Variants in ARFGEF3 observed in about 807,000 individuals in gnomAD.
ARFGEF3 encodes the protein ARFGEF family member 3.
A neutral mutation model predicts 221.7 loss-of-function variants in ARFGEF3; 96 were observed. That is an observed-to-expected ratio of 0.43 (90% CI 0.37 to 0.51). The LOEUF is 0.51. Among genes scored for constraint, ARFGEF3 ranks in the 20% least tolerant of loss-of-function variants. The pLI, the probability that ARFGEF3 is intolerant of heterozygous loss-of-function variation, is 0.00. For synonymous variants in ARFGEF3, 1,145 were observed against 1,126.8 expected, an observed-to-expected ratio of 1.02 and a Z score of -0.32; for missense variants, 2,410 against 2,789.9, an observed-to-expected ratio of 0.86 and a Z score of 3.07.
At chr6:138,168,422 G>A (rs558736260) in intron 1 of ARFGEF3, among the ~76,000 whole-genome samples, 1 of 152,214 alleles carries the variant, frequency 6.6e-6, no homozygotes, top group Admixed American at 6.5e-5. Flanking sequence ...CGACGGGAGA[G>A]AAGTAGGAAG....
intron 22 of ARFGEF3, among the ~76,000 whole-genome samples, chr6:138,304,371 T>C (rs1779682212): frequency 1.3e-5 from 2 of 152,282 alleles, no homozygotes; most frequent in South Asian, 4.2e-4. Flanking sequence ...TGACTACAAA[T>C]GGGTACTGCG....
rs1230471297 is a variant in ARFGEF3, at chr6:138,341,969, A to G, written c.*5483A>G. 6.6e-6 allele frequency: 1 copy of G among 152,158 alleles called. No homozygotes were observed. Among genetic ancestry groups the G allele is most frequent in the Non-Finnish European group, 1.5e-5 (1 of 68,038 alleles). The allele number at this position is 152,158 out of a possible 1,614,324, so 9.4% of individuals were successfully genotyped here. A position where few individuals can be genotyped will look rare whatever the true frequency, so the allele number is the denominator to read the frequency against. On this transcript the variant is annotated 3_prime_UTR_variant, in exon 34 of 34. Transcript: ENST00000251691. ...ACTACAAAGGGGTACCAGGGAGGAG[A>G]GAGTGGCTGACCACTTTAGTGACAA...
At chr6:138,196,934 A>T (rs1777438266) in intron 2 of ARFGEF3, among the ~76,000 whole-genome samples, 1 of 152,032 alleles carries the variant, frequency 6.6e-6, no homozygotes, top group African/African-American at 2.4e-5. Context: ...CCCGGGTTCA[A>T]ACGATTCTCC....
intron 31 of ARFGEF3, among the ~76,000 whole-genome samples, chr6:138,324,486 T>C (rs1780094047): frequency 1.3e-5 from 2 of 152,254 alleles, no homozygotes; most frequent in African/African-American, 4.8e-5. Context: ...TGCTAGACTA[T>C]GAGTGCCTAA....
At chr6:138,229,262 C>G (rs570675698) in intron 4 of ARFGEF3, among the ~76,000 whole-genome samples, 1 of 152,284 alleles carries the variant, frequency 6.6e-6, no homozygotes, top group South Asian at 2.1e-4. Flanking sequence ...GGCTTTGCCT[C>G]GTGAGTGAGC....
At position 138,162,369 on chromosome 6, in the gene ARFGEF3, C is replaced by G. The variant is rs1037162301; in HGVS notation, c.85+198C>G. On this transcript the variant is annotated intron_variant, in intron 1 of 33. Coordinates refer to ENST00000251691, the MANE Select transcript of ARFGEF3 (RefSeq NM_020340.5). The surrounding 1 kb of genome is among the most constrained non-coding windows in gnomAD (Gnocchi z 4.7). ...ACATCAGCCGCCTCCCCTCCGGTCT[C>G]TTTCACTCTCCGAAACCTTCCTCGG... 3.9e-5 allele frequency among the ~76,000 whole-genome samples: 6 copies of G among 152,230 alleles called. No homozygotes were observed. Among genetic ancestry groups the G allele is most frequent in the Non-Finnish European group, 8.8e-5 (6 of 68,036 alleles).
rs375292715 is a variant in ARFGEF3, at chr6:138,323,648, CCTTTA to C, written c.4767-19_4767-15del. 6,144 of 1,597,862 alleles carry C rather than the reference CCTTTA, an allele frequency of 3.8e-3. 99 individuals are homozygous for C. The African/African-American group carries it at 0.045, about 12-fold the overall frequency. ...CAACAACAACAACAAAAAAAAAACT[CCTTTA>C]CTTGTTTCTTTTGGCAGATACGTCC... On this transcript the variant is annotated intron_variant, in intron 29 of 33. Transcript: ENST00000251691.
intron 26 of ARFGEF3, among the ~76,000 whole-genome samples, chr6:138,314,985 G>A (rs1437196525): frequency 2.6e-5 from 4 of 152,118 alleles, no homozygotes; most frequent in African/African-American, 9.7e-5. Flanking sequence ...TAAAACTACT[G>A]CAAATTTGCA....
chr6:138,295,192 C>T (rs562636663), intron 20 of ARFGEF3, among the ~76,000 whole-genome samples: 1 of 152,076 alleles, frequency 6.6e-6, no homozygotes, highest in Non-Finnish European at 1.5e-5. Flanking sequence ...AGACTTACTT[C>T]GGAATCAATC....
chr6:138,205,586 G>A (rs1448083449), intron 2 of ARFGEF3, among the ~76,000 whole-genome samples: 1 of 152,158 alleles, frequency 6.6e-6, no homozygotes, highest in African/African-American at 2.4e-5. Flanking sequence ...CACTAATTGA[G>A]TGCACTACAG....
chr6:138,327,523 T>C (rs1167624130), intron 31 of ARFGEF3, among the ~76,000 whole-genome samples: 1 of 152,184 alleles, frequency 6.6e-6, no homozygotes, highest in Non-Finnish European at 1.5e-5. Context: ...GAAAATCATT[T>C]GGGTCAGAGA....
At chr6:138,266,720 G>A (rs951616682) in intron 12 of ARFGEF3, among the ~76,000 whole-genome samples, 1 of 151,622 alleles carries the variant, frequency 6.6e-6, no homozygotes, top group Non-Finnish European at 1.5e-5. Context: ...GTGGTGGCAG[G>A]CGCCTGTAGT....
At chr6:138,307,188 C>T in intron 22 of ARFGEF3, 65 bp from the exon 23 acceptor site, 1 of 1,541,664 alleles carries the variant, frequency 6.5e-7, no homozygotes, top group Non-Finnish European at 8.9e-7. Context: ...ATACATCACC[C>T]TTCCCAGAAA....
chr6:138,202,540 G>A (rs1777556001), intron 2 of ARFGEF3, among the ~76,000 whole-genome samples: 1 of 152,178 alleles, frequency 6.6e-6, no homozygotes, highest in East Asian at 1.9e-4. Flanking sequence ...GGGATGAGAG[G>A]CCTTGGATAC....
intron 2 of ARFGEF3, among the ~76,000 whole-genome samples, chr6:138,174,724 A>G (rs1057379982): frequency 6.6e-6 from 1 of 152,134 alleles, no homozygotes; most frequent in Non-Finnish European, 1.5e-5. Flanking sequence ...TGTTTTGGAA[A>G]GGGCTACAGG....
At chr6:138,253,842 C>G (rs769858035) in intron 8 of ARFGEF3, 38 bp from the exon 9 acceptor site, 1 of 1,496,586 alleles carries the variant, frequency 6.7e-7, no homozygotes, top group Non-Finnish European at 9.1e-7. Flanking sequence ...TTTGCCTTGT[C>G]TTTTGTCTGC....
chr6:138,290,042 G>A (rs1779371940), intron 18 of ARFGEF3, 74 bp downstream of exon 18: 2 of 1,477,518 alleles, frequency 1.4e-6, no homozygotes, highest in Non-Finnish European at 1.8e-6. Flanking sequence ...GTGGCAGGTG[G>A]AGAGGGGTGG....
intron 2 of ARFGEF3, among the ~76,000 whole-genome samples, chr6:138,175,472 C>A (rs552476840): frequency 6.6e-6 from 1 of 152,304 alleles, no homozygotes; most frequent in South Asian, 2.1e-4. Context: ...GGTATCCCTA[C>A]ACCGAAGAAG....
chr6:138,246,354 A>C lies in ARFGEF3; in HGVS notation c.665+763A>C, dbSNP rs374270809. On this transcript the variant is annotated intron_variant, in intron 8 of 33. Transcript: ENST00000251691. ...ATTAAACTATCATTCATTGGTAACTAGGACATCTGATAATGCAGAAAACTC... is the reference window on the plus strand; with the variant it reads ...ATTAAACTATCATTCATTGGTAACTCGGACATCTGATAATGCAGAAAACTC... 1.1e-4 allele frequency among the ~76,000 whole-genome samples: 16 copies of C among 152,362 alleles called. 1 individual carries two copies. Among genetic ancestry groups the C allele is most frequent in the Admixed American group, 2.6e-4 (4 of 15,308 alleles).
Sources: allele counts gnomAD v4.1 joint callset (sites outside exome capture counted in the v4.1 genomes callset), GRCh38; gene constraint gnomAD v4.1.1; non-coding constraint Gnocchi (gnomAD v3.1); transcripts MANE v1.5; gene names NCBI Gene and HGNC (gene_info 2026-07-23, HGNC 2026-07-21).